PPARGC1A: variants seen among roughly 807,000 people sequenced by gnomAD.
PPARGC1A encodes PPARG coactivator 1 alpha.
In PPARGC1A, 25 loss-of-function variants were observed where a neutral mutation model predicts 88.7. The ratio of observed to expected loss-of-function variants is 0.28; its 90% CI spans 0.21 to 0.39. The LOEUF is 0.39. Among genes scored for constraint, PPARGC1A ranks in the 10% least tolerant of loss-of-function variants. PPARGC1A has a pLI of 1.00. For missense variants in PPARGC1A, 880 were observed against 968.7 expected (o/e 0.91, Z 1.22); for synonymous variants, 363 against 355.6 (o/e 1.02, Z -0.24).
the PPARGC1A span, among the ~76,000 whole-genome samples, chr4:23,972,997 A>AT: frequency 6.6e-6 from 1 of 152,190 alleles, no homozygotes; most frequent in East Asian, 1.9e-4. Context: ...GATTAACTGC[A>AT]TTATTATTCA....
chr4:24,096,846 T>G, the PPARGC1A span, among the ~76,000 whole-genome samples: 1 of 152,204 alleles, frequency 6.6e-6, no homozygotes, highest in South Asian at 2.1e-4. Flanking sequence ...ATTTTCTTTA[T>G]GAAAAAGTTA....
the PPARGC1A span, among the ~76,000 whole-genome samples, chr4:24,001,541 G>A: frequency 1.9e-3 from 291 of 152,252 alleles, no homozygotes; most frequent in African/African-American, 6.6e-3. Context: ...AGCAGAAATA[G>A]TGTATTTTTG....
the PPARGC1A span, among the ~76,000 whole-genome samples, chr4:23,974,756 C>A: frequency 5.4e-5 from 8 of 148,788 alleles, no homozygotes; most frequent in Admixed American, 3.4e-4. Flanking sequence ...CCTCGGCCTC[C>A]CGAGTAGCTG....
the PPARGC1A span, among the ~76,000 whole-genome samples, chr4:24,017,964 C>A: frequency 4.6e-5 from 7 of 152,180 alleles, no homozygotes; most frequent in Admixed American, 3.9e-4. Flanking sequence ...CAGTCTTATA[C>A]ATGAACACAT....
chr4:24,450,609 TA>T, the PPARGC1A span, among the ~76,000 whole-genome samples: 2 of 152,188 alleles, frequency 1.3e-5, no homozygotes, highest in African/African-American at 4.8e-5. Context: ...TGGGGGGATC[TA>T]AAGTCTATAT....
the PPARGC1A span, among the ~76,000 whole-genome samples, chr4:24,259,096 AG>A: frequency 6.6e-6 from 1 of 152,190 alleles, no homozygotes; most frequent in Non-Finnish European, 1.5e-5. Context: ...AATCCCAGAA[AG>A]ATGGCACCTT....
chr4:24,308,113 T>C, the PPARGC1A span, among the ~76,000 whole-genome samples: 1 of 151,752 alleles, frequency 6.6e-6, no homozygotes, highest in Non-Finnish European at 1.5e-5. Flanking sequence ...CCAACATGAT[T>C]AAACCCCATC....
the PPARGC1A span, among the ~76,000 whole-genome samples, chr4:24,321,659 G>A: frequency 6.6e-6 from 1 of 152,234 alleles, no homozygotes; most frequent in Non-Finnish European, 1.5e-5. Context: ...GCTGCAGAAT[G>A]TGAAAATCAC....
At chr4:24,157,047 G>A in the PPARGC1A span, among the ~76,000 whole-genome samples, 4 of 152,286 alleles carry the variant, frequency 2.6e-5, no homozygotes, top group South Asian at 8.3e-4. Flanking sequence ...CATAGAGGCT[G>A]TATAGGGTTG....
chr4:23,979,440 G>GT, the PPARGC1A span, among the ~76,000 whole-genome samples: 3 of 152,128 alleles, frequency 2.0e-5, no homozygotes, highest in South Asian at 2.1e-4. Flanking sequence ...ACAATTATTA[G>GT]TTTTGCCTTT....
the PPARGC1A span, among the ~76,000 whole-genome samples, chr4:24,000,818 A>T: frequency 5.9e-5 from 9 of 152,298 alleles, no homozygotes; most frequent in Non-Finnish European, 1.2e-4. Flanking sequence ...AGTAACTATT[A>T]AATTGGGAAT....
chr4:24,054,344 T>C, the PPARGC1A span, among the ~76,000 whole-genome samples: 1 of 151,390 alleles, frequency 6.6e-6, no homozygotes, highest in African/African-American at 2.4e-5. Context: ...TTTGCACTTA[T>C]AATGCATGTT....
the PPARGC1A span, among the ~76,000 whole-genome samples, chr4:24,068,125 G>T: frequency 4.6e-5 from 7 of 152,290 alleles, no homozygotes; most frequent in East Asian, 5.8e-4. Flanking sequence ...GAACTCTTTT[G>T]TCTCACCCTC....
chr4:24,084,105 C>G, the PPARGC1A span, among the ~76,000 whole-genome samples: 1 of 152,312 alleles, frequency 6.6e-6, no homozygotes, highest in South Asian at 2.1e-4. Context: ...CTTATCTGTT[C>G]CTTTATGCTG....
At chr4:23,987,806 A>G in the PPARGC1A span, among the ~76,000 whole-genome samples, 1 of 151,932 alleles carries the variant, frequency 6.6e-6, no homozygotes, top group Admixed American at 6.6e-5. Flanking sequence ...TATTATTATT[A>G]TACTTTAAGT....
chr4:23,983,015 C>T, the PPARGC1A span, among the ~76,000 whole-genome samples: 3 of 152,074 alleles, frequency 2.0e-5, no homozygotes, highest in East Asian at 3.9e-4. Context: ...ACAATGGCAG[C>T]GCTGGATCAT....
At chr4:23,928,091 C>A in the PPARGC1A span, among the ~76,000 whole-genome samples, 6 of 152,102 alleles carry the variant, frequency 3.9e-5, no homozygotes, top group African/African-American at 1.2e-4. Flanking sequence ...TGCATCCCAG[C>A]CGAATATCAA....
the PPARGC1A span, among the ~76,000 whole-genome samples, chr4:24,182,109 C>A: frequency 2.0e-5 from 3 of 152,008 alleles, no homozygotes; most frequent in Non-Finnish European, 4.4e-5. Flanking sequence ...TTTTAAGTCC[C>A]GCATGCATTA....
At chr4:24,437,598 TTGTTGTTG>T in the PPARGC1A span, among the ~76,000 whole-genome samples, 124 of 39,842 alleles carry the variant, frequency 3.1e-3, no homozygotes, top group African/African-American at 0.013. Context: ...AGGTTTTTTG[TTGTTGTTG>T]TTGTTGTTGT....
Sources: allele counts gnomAD v4.1 joint callset (sites outside exome capture counted in the v4.1 genomes callset), GRCh38; gene constraint gnomAD v4.1.1; transcripts MANE v1.5; gene names NCBI Gene and HGNC (gene_info 2026-07-23, HGNC 2026-07-21).